The following C22orf31 variants were observed in gnomAD, a reference collection of about 807,000 sequenced individuals.
C22orf31 encodes the protein uncharacterized protein C22orf31.
Under a neutral mutation model 15.0 loss-of-function variants are expected in C22orf31, and 11 were observed. The observed-to-expected ratio is 0.73, with a 90% confidence interval of 0.46 to 1.21. The LOEUF is 1.21. C22orf31 is among the 50% of genes most tolerant of loss of function. The pLI is 0.00. For synonymous variants in C22orf31, 132 were observed against 133.3 expected (o/e 0.99, Z 0.07); for missense variants, 340 against 347.2 (o/e 0.98, Z 0.17).
Position 29,058,913 on chromosome 22 carries a change from C to A in C22orf31, c.702G>T (p.Arg234Ser), listed in dbSNP as rs1245594725. The stretch of plus-strand genomic sequence containing the variant: ...TGGCCTTGCCCAGCTCCAGGCTGTA[C>A]CTCTTGGGGGTCCCTGAAGGATTCC... Reference protein sequence around the residue: ...MLWNPSGTPKRYSLELGKAIK... With the variant: ...MLWNPSGTPKSYSLELGKAIK... Residue 234 changes from arginine to serine, a missense_variant, in exon 3 of 3, where the codon AGG (arginine) becomes AGT (serine). Physicochemically the swap from Arg to Ser is moderately radical, Grantham distance 110. Coordinates refer to ENST00000216071, the MANE Select transcript of C22orf31 (RefSeq NM_015370.2). The A allele has an allele frequency of 1.2e-6, 2 of 1,614,174 alleles. No individual in the cohort carries two copies. Among genetic ancestry groups the A allele is most frequent in the Non-Finnish European group, 1.7e-6 (2 of 1,180,028 alleles).
chr22:29,066,534 CTTTTCTTTTTTTTTTTTTTTTT>C (rs1569305918), upstream of C22orf31, among the ~76,000 whole-genome samples: 3 of 65,116 alleles, frequency 4.6e-5, no homozygotes, highest in Admixed American at 4.0e-4. Context: ...CTTTTCTTTT[CTTTTCTTTTTTTTTTTTTTTTT>C]TTTTTTTTTT....
the C22orf31 span, among the ~76,000 whole-genome samples, chr22:29,071,492 G>A: frequency 6.6e-6 from 1 of 152,202 alleles, no homozygotes; most frequent in Non-Finnish European, 1.5e-5. Context: ...TACCCAAGGC[G>A]TGCCGGTCCC....
At chr22:29,071,441 G>A in the C22orf31 span, among the ~76,000 whole-genome samples, 75 of 152,138 alleles carry the variant, frequency 4.9e-4, no homozygotes, top group African/African-American at 1.8e-3. Flanking sequence ...GAGTGGATAA[G>A]GGGGTGGCGC....
At chr22:29,068,417 T>C in the C22orf31 span, among the ~76,000 whole-genome samples, 2 of 149,284 alleles carry the variant, frequency 1.3e-5, no homozygotes, top group Non-Finnish European at 3.0e-5. Flanking sequence ...AATTTCTTTT[T>C]TTTTTTTTTT....
chr22:29,064,496 T>C (rs1037944910), upstream of C22orf31, among the ~76,000 whole-genome samples: 14 of 151,884 alleles, frequency 9.2e-5, no homozygotes, highest in South Asian at 4.2e-4. Context: ...AAGCACTCAA[T>C]GAATATTTGC....
chr22:29,059,823 C>T lies in C22orf31; in HGVS notation c.432+592G>A, dbSNP rs561475146. On this transcript the variant is annotated intron_variant, in intron 2 of 2. Transcript: ENST00000216071. ...CCCATATCCTAGCCTTCCTTCTCACCCTTATTTTTCCTTCATGTCAAGTCT... is the reference window on the plus strand; with the variant it reads ...CCCATATCCTAGCCTTCCTTCTCACTCTTATTTTTCCTTCATGTCAAGTCT... The T allele has an allele frequency of 1.4e-4, 135 of 985,098 alleles. 1 individual carries two copies. In the South Asian group the frequency reaches 5.7e-3, roughly 42 times the overall value. The allele number at this position is 985,098 out of a possible 1,614,324, so 61.0% of individuals were successfully genotyped here.
At chr22:29,063,140 C>T (rs1220512124), upstream of C22orf31, among the ~76,000 whole-genome samples, 1 of 152,064 alleles carries the variant, frequency 6.6e-6, no homozygotes, top group Non-Finnish European at 1.5e-5. Flanking sequence ...CACACTCATC[C>T]GTTAGATTTA....
chr22:29,062,542 A>G (rs780356966), upstream of C22orf31, among the ~76,000 whole-genome samples: 16 of 152,172 alleles, frequency 1.1e-4, no homozygotes, highest in Non-Finnish European at 2.9e-5. Context: ...ACTGCTTATC[A>G]GGTGCTCGTC....
At chr22:29,060,111 AG>A in intron 2 of C22orf31, 1 of 365,120 alleles carries the variant, frequency 2.7e-6, no homozygotes, top group Non-Finnish European at 3.7e-6. Context: ...GGCTCACTGC[AG>A]CCTCAACCTC....
upstream of C22orf31, among the ~76,000 whole-genome samples, chr22:29,065,489 C>T (rs527257171): frequency 1.3e-5 from 2 of 152,094 alleles, no homozygotes; most frequent in Non-Finnish European, 2.9e-5. Context: ...GGGAAAGTTT[C>T]TGATCTGACT....
At chr22:29,059,939 C>T (rs2037365739) in intron 2 of C22orf31, 5 of 984,830 alleles carry the variant, frequency 5.1e-6, no homozygotes, top group African/African-American at 1.7e-5. Context: ...CATTCTTCCA[C>T]TCTGTCATGC....
At chr22:29,073,299 C>A in the C22orf31 span, 1 of 565,056 alleles carries the variant, frequency 1.8e-6, no homozygotes, top group Non-Finnish European at 2.4e-6. This position sits in a 1 kb window ranked among gnomAD's most constrained non-coding sequence, Gnocchi z 4.4. Context: ...GCCGGCCGGC[C>A]TGAGAGCCCC....
chr22:29,065,843 G>A (rs2037425637), upstream of C22orf31, among the ~76,000 whole-genome samples: 1 of 152,220 alleles, frequency 6.6e-6, no homozygotes, highest in Non-Finnish European at 1.5e-5. Context: ...CCATGTTGCT[G>A]AAAGACCTCT....
Position 29,059,180 on chromosome 22 carries a change from A to C in C22orf31, c.435T>G (p.Ser145Arg). 1.3e-6 allele frequency: 2 copies of C among 1,593,738 alleles called. No homozygotes were observed. Among genetic ancestry groups the C allele is most frequent in the East Asian group, 4.5e-5 (2 of 44,660 alleles). Reference protein sequence around the residue: ...HRRPAGGIRESKESSKEKKLT... With the variant: ...HRRPAGGIRERKESSKEKKLT... ...GTTTTTTCTCCTTTGAACTTTCTTT[A>C]CTCTAGCCAGGAAGAAAGCAGAGAA... Residue 145 changes from serine to arginine, a missense_variant and splice_region_variant, in exon 3 of 3, where the codon AGT becomes AGG. By Grantham distance (110) the Ser-to-Arg change is moderately radical. Coordinates refer to ENST00000216071, the MANE Select transcript of C22orf31 (RefSeq NM_015370.2).
chr22:29,061,916 CT>C, upstream of C22orf31: 1 of 772,446 alleles, frequency 1.3e-6, no homozygotes, highest in Non-Finnish European at 2.1e-6. Context: ...AGTCACCTGT[CT>C]TTCTCTGCCT....
the C22orf31 span, among the ~76,000 whole-genome samples, chr22:29,069,943 C>CTT: frequency 9.3e-4 from 90 of 96,516 alleles, no homozygotes; most frequent in African/African-American, 2.8e-3. Context: ...TCTTGAAATT[C>CTT]TTTTTTTTTT....
chr22:29,070,106 C>T, the C22orf31 span, among the ~76,000 whole-genome samples: 1 of 151,976 alleles, frequency 6.6e-6, no homozygotes, highest in African/African-American at 2.4e-5. Context: ...CCGCCAAGCC[C>T]GGATAATTTT....
At chr22:29,066,563 T>C (rs1248346688), upstream of C22orf31, among the ~76,000 whole-genome samples, 793 of 108,606 alleles carry the variant, frequency 7.3e-3, 22 homozygotes, top group African/African-American at 0.025. Context: ...TTTTTTTTTT[T>C]TTTTTTTTTT....
chr22:29,060,269 G>T, intron 2 of C22orf31, 146 bp downstream of exon 2: 1 of 714,056 alleles, frequency 1.4e-6, no homozygotes, highest in Non-Finnish European at 2.3e-6. Flanking sequence ...CTGAGCTCAA[G>T]TGATCCTCCC....
Sources: allele counts gnomAD v4.1 joint callset (sites outside exome capture counted in the v4.1 genomes callset), GRCh38; gene constraint gnomAD v4.1.1; non-coding constraint Gnocchi (gnomAD v3.1); transcripts MANE v1.5; gene names NCBI Gene and HGNC (gene_info 2026-07-23, HGNC 2026-07-21).